Variants in CWF19L2 observed in about 807,000 individuals in gnomAD.
CWF19L2 encodes CWF19-like protein 2.
In CWF19L2, 98 loss-of-function variants were observed where a neutral mutation model predicts 111.7. That is an observed-to-expected ratio of 0.88 (90% CI 0.75 to 1.04). The LOEUF (loss-of-function observed/expected upper bound fraction) is 1.04. Among genes scored for constraint, CWF19L2 ranks in the 50% least tolerant of loss-of-function variants. The probability of loss-of-function intolerance (pLI) is 0.00; values close to 1 mark genes in which losing one functional copy is unlikely to be tolerated. For missense variants in CWF19L2, 1,101 were observed against 1,051.4 expected, an observed-to-expected ratio of 1.05 and a Z score of -0.65; for synonymous variants, 351 against 342.9, an observed-to-expected ratio of 1.02 and a Z score of -0.26.
intron 12 of CWF19L2, among the ~76,000 whole-genome samples, chr11:107,358,454 GGGTTGGACAA>G (rs1445347102): frequency 1.3e-5 from 2 of 152,154 alleles, no homozygotes; most frequent in African/African-American, 4.8e-5. Context: ...CACAAGCCAT[GGGTTGGACAA>G]GGTTGAGTTA....
intron 15 of CWF19L2, among the ~76,000 whole-genome samples, chr11:107,336,232 C>T (rs550770452): frequency 1.1e-4 from 16 of 151,952 alleles, no homozygotes; most frequent in Non-Finnish European, 1.5e-4. Flanking sequence ...CTGCAACCTC[C>T]GCCTCCTGGG....
chr11:107,327,871 G>T (rs747379932), intron 17 of CWF19L2, among the ~76,000 whole-genome samples: 1 of 152,114 alleles, frequency 6.6e-6, no homozygotes, highest in Non-Finnish European at 1.5e-5. Context: ...TGCATAGTCG[G>T]TCTAGCTCCA....
chr11:107,337,526 C>T (rs544038155), intron 14 of CWF19L2, among the ~76,000 whole-genome samples: 41 of 152,164 alleles, frequency 2.7e-4, no homozygotes, highest in South Asian at 6.2e-4. Context: ...CAGGATGGAG[C>T]TAGGGATCGA....
At chr11:107,444,332 C>T (rs1291403340) in intron 3 of CWF19L2, among the ~76,000 whole-genome samples, 11 of 152,146 alleles carry the variant, frequency 7.2e-5, no homozygotes, top group Admixed American at 1.3e-4. Context: ...TCCACTGTGC[C>T]GAACTCAACA....
At chr11:107,406,166 A>G (rs1861074564) in intron 10 of CWF19L2, among the ~76,000 whole-genome samples, 1 of 152,226 alleles carries the variant, frequency 6.6e-6, no homozygotes, top group African/African-American at 2.4e-5. Flanking sequence ...ACTATTAAAA[A>G]GTGTAAATGT....
At chr11:107,422,636 A>G in intron 8 of CWF19L2, among the ~76,000 whole-genome samples, 1 of 152,162 alleles carries the variant, frequency 6.6e-6, no homozygotes, top group South Asian at 2.1e-4. Context: ...GAGTATAACT[A>G]ATTTGTCATA....
At chr11:107,439,925 G>A (rs1861597581) in intron 5 of CWF19L2, among the ~76,000 whole-genome samples, 1 of 152,162 alleles carries the variant, frequency 6.6e-6, no homozygotes, top group Admixed American at 6.5e-5. Flanking sequence ...AAAGTCTGGA[G>A]AACAAGATCA....
chr11:107,329,826 T>C (rs1859815935), intron 17 of CWF19L2, 92 bp downstream of exon 17: 10 of 914,320 alleles, frequency 1.1e-5, no homozygotes, highest in Non-Finnish European at 1.3e-5. Flanking sequence ...ACCAATTTCT[T>C]TGTATACTGT....
intron 13 of CWF19L2, among the ~76,000 whole-genome samples, chr11:107,351,543 G>A (rs893270208): frequency 6.6e-6 from 1 of 152,178 alleles, no homozygotes; most frequent in Non-Finnish European, 1.5e-5. Context: ...TCTAAAAACA[G>A]TAGTCATGAA....
chr11:107,348,892 T>C (rs1421487373), intron 14 of CWF19L2, 45 bp downstream of exon 14: 3 of 1,094,638 alleles, frequency 2.7e-6, no homozygotes, highest in Non-Finnish European at 4.1e-6. Flanking sequence ...TTTACAAAAA[T>C]TGCTCATGAG....
At position 107,404,091 on chromosome 11, in the gene CWF19L2, T is replaced by C. The variant is rs1861045336; in HGVS notation, c.1618-11196A>G. 2.2e-5 allele frequency: 17 copies of C among 772,934 alleles called. No individual in the cohort carries two copies. In the Admixed American group the frequency reaches 2.6e-4, roughly 12 times the overall value. 47.9% of individuals were successfully genotyped at this position (772,934 alleles called of 1,614,324 possible). A position where few individuals can be genotyped will look rare whatever the true frequency, so the allele number is the denominator to read the frequency against. ...AGCAGAGCTGAATGCTCATATATGGTTCTCCTTTCTCCATGTGAGACTGTC... is the reference window on the plus strand; with the variant it reads ...AGCAGAGCTGAATGCTCATATATGGCTCTCCTTTCTCCATGTGAGACTGTC... On this transcript the variant is annotated intron_variant, in intron 10 of 17. Transcript: ENST00000282251.
At chr11:107,443,121 G>T in intron 3 of CWF19L2, 72 bp from the exon 4 acceptor site, 2 of 1,026,872 alleles carry the variant, frequency 1.9e-6, no homozygotes, top group Non-Finnish European at 3.0e-6. Context: ...GTGCTGTTAA[G>T]TGGTAGAAAT....
intron 12 of CWF19L2, among the ~76,000 whole-genome samples, chr11:107,360,943 A>C (rs1474976626): frequency 6.6e-6 from 1 of 152,036 alleles, no homozygotes; most frequent in Non-Finnish European, 1.5e-5. Context: ...TCTGTTCATA[A>C]AGCTTTTTAG....
intron 10 of CWF19L2, among the ~76,000 whole-genome samples, chr11:107,393,496 G>C (rs1860878646): frequency 6.6e-6 from 1 of 152,176 alleles, no homozygotes; most frequent in Non-Finnish European, 1.5e-5. Flanking sequence ...GAAATGGAAT[G>C]TTATTGGAAG....
intron 8 of CWF19L2, among the ~76,000 whole-genome samples, chr11:107,423,288 T>G (rs190307838): frequency 2.2e-4 from 33 of 152,122 alleles, no homozygotes; most frequent in East Asian, 2.1e-3. Context: ...TTTGCATTCT[T>G]TCACATTCAA....
At chr11:107,384,699 A>G (rs1454511744) in intron 12 of CWF19L2, among the ~76,000 whole-genome samples, 2 of 152,238 alleles carry the variant, frequency 1.3e-5, no homozygotes, top group Admixed American at 6.5e-5. Context: ...CATACTGTGT[A>G]TGGCTGCTTT....
chr11:107,404,458 G>A, intron 10 of CWF19L2: 1 of 771,088 alleles, frequency 1.3e-6, no homozygotes. Flanking sequence ...TGGCACCCGG[G>A]TTCCCTCCCA....
intron 12 of CWF19L2, among the ~76,000 whole-genome samples, chr11:107,385,276 T>C (rs1048107395): frequency 1.3e-5 from 2 of 151,618 alleles, no homozygotes; most frequent in African/African-American, 2.4e-5. Flanking sequence ...AGGTAGGAAC[T>C]GGCATTGCTT....
intron 12 of CWF19L2, among the ~76,000 whole-genome samples, chr11:107,370,241 A>G (rs1249653287): frequency 1.5e-5 from 2 of 137,526 alleles, no homozygotes; most frequent in African/African-American, 5.8e-5. Flanking sequence ...CTGCAATACT[A>G]AAAAGTCAGC....
Sources: gnomAD v4.1 joint callset for allele counts (sites outside exome capture counted in the v4.1 genomes callset) on GRCh38, gnomAD v4.1.1 for gene constraint, MANE v1.5 for transcripts, NCBI Gene and HGNC (gene_info 2026-07-23, HGNC 2026-07-21) for gene names.